The following GTPBP6 variants were observed in gnomAD, a reference collection of about 807,000 sequenced individuals.
GTPBP6 encodes GTP binding protein 6.
GTPBP6 carries 33 observed loss-of-function variants against 28.9 expected under a neutral mutation model. The observed-to-expected ratio is 1.14, with a 90% CI of 0.87 to 1.53. The LOEUF is 1.53. Ranked by LOEUF, GTPBP6 falls within the 40% of genes most tolerant of loss-of-function variation. GTPBP6 has a pLI of 0.00. For missense variants in GTPBP6, 507 were observed against 408.3 expected, an observed-to-expected ratio of 1.24 and a Z score of -2.08; for synonymous variants, 231 against 192.7, an observed-to-expected ratio of 1.20 and a Z score of -1.65.
At chrX:314,336 G>A in intron 4 of GTPBP6, 119 bp from the exon 5 acceptor site, 5 of 825,840 alleles carry the variant, frequency 6.1e-6, no homozygotes, top group Non-Finnish European at 8.4e-6. Flanking sequence ...AGGAGCCGCT[G>A]TTGCGGCCCC....
At chrX:318,701 C>T (rs1261627733) in exon 1 of GTPBP6, 6 of 377,484 alleles carry the variant, frequency 1.6e-5, no homozygotes, top group African/African-American at 1.1e-4. Context: ...CGGGGCAGGA[C>T]GGCGCGGCTG....
At position 316,913 on chromosome X, in the gene GTPBP6, C is replaced by G. The variant is rs1293379289; in HGVS notation, c.487+1G>C. ...GAAGGAGCAGGTCTGGACGGACCCA[C>G]CTGTCAGGTGCTCAAAGTTCCCTTT... On this transcript the variant is annotated splice_donor_variant, in intron 2 of 9. Transcript: ENST00000326153. LOFTEE classifies it high-confidence loss of function. The G allele has an allele frequency of 7.5e-6, 3 of 398,524 alleles. No individual in the cohort carries two copies. Among genetic ancestry groups the G allele is most frequent in the Non-Finnish European group, 8.8e-6 (2 of 226,096 alleles). The allele number at this position is 398,524 out of a possible 1,614,324, so 24.7% of individuals were successfully genotyped here. A position where few individuals can be genotyped will look rare whatever the true frequency, so the allele number is the denominator to read the frequency against.
At chrX:316,179 CACAGACACAT>C (rs1335138589) in intron 2 of GTPBP6, among the ~76,000 whole-genome samples, 11 of 92,698 alleles carry the variant, frequency 1.2e-4, no homozygotes, top group Admixed American at 2.1e-4. Context: ...CAGACACACA[CACAGACACAT>C]ACACAGAGAC....
At chrX:315,610 G>GACACAGAC (rs2070417784) in intron 2 of GTPBP6, among the ~76,000 whole-genome samples, 1 of 142,012 alleles carries the variant, frequency 7.0e-6, no homozygotes, top group Admixed American at 7.1e-5. Flanking sequence ...GACAGGGACA[G>GACACAGAC]ACACAGACAC....
At chrX:316,340 G>GACACAC (rs1168593634) in intron 2 of GTPBP6, among the ~76,000 whole-genome samples, 1,279 of 94,848 alleles carry the variant, frequency 0.013, 50 homozygotes, top group East Asian at 0.031. Flanking sequence ...TCCCATTGGG[G>GACACAC]ACACACACAC....
At chrX:307,654 G>C in intron 8 of GTPBP6, 78 bp downstream of exon 8, 1 of 1,430,514 alleles carries the variant, frequency 7.0e-7, no homozygotes, top group East Asian at 2.5e-5. Context: ...GTTCACACGA[G>C]GAGACGGGGC....
chrX:316,266 GACACACACAC>G (rs1222108776), intron 2 of GTPBP6, among the ~76,000 whole-genome samples: 5 of 24,282 alleles, frequency 2.1e-4, no homozygotes, highest in South Asian at 9.2e-4. Context: ...CACACACACA[GACACACACAC>G]AGTAAATACA....
intron 6 of GTPBP6, chrX:312,344 G>A: frequency 2.1e-6 from 1 of 471,422 alleles, no homozygotes; most frequent in South Asian, 1.6e-5. Context: ...TGCTGGTGTA[G>A]ACAGGAGGAT....
intron 7 of GTPBP6, among the ~76,000 whole-genome samples, chrX:309,388 C>T (rs1285017155): frequency 6.6e-6 from 1 of 152,112 alleles, no homozygotes; most frequent in Non-Finnish European, 1.5e-5. Context: ...AAGATCTCTG[C>T]GGATGCAGCT....
chrX:306,315 ATT>A (rs1420499390), intron 9 of GTPBP6, among the ~76,000 whole-genome samples: 10 of 149,790 alleles, frequency 6.7e-5, no homozygotes. Flanking sequence ...AGAAATGTAC[ATT>A]TTGACTGTCA....
chrX:305,968 C>T (rs1380799613), intron 9 of GTPBP6, among the ~76,000 whole-genome samples: 1 of 151,866 alleles, frequency 6.6e-6, no homozygotes, highest in Non-Finnish European at 1.5e-5. Flanking sequence ...CACCATGTTG[C>T]CCAGCCTGGC....
At chrX:318,713 C>G in exon 1 of GTPBP6, 1 of 365,008 alleles carries the variant, frequency 2.7e-6, no homozygotes, top group Non-Finnish European at 4.9e-6. Flanking sequence ...GCGCGGCTGC[C>G]CGCGGAGCCG....
At chrX:310,615 A>G (rs2070266289) in intron 7 of GTPBP6, among the ~76,000 whole-genome samples, 2 of 148,026 alleles carry the variant, frequency 1.4e-5, no homozygotes, top group Admixed American at 6.6e-5. Context: ...TCTAAGAGAC[A>G]GAAGAGGAGA....
At chrX:307,438 T>C in exon 9 of GTPBP6, 2 of 1,612,282 alleles carry the variant, frequency 1.2e-6, no homozygotes, top group Non-Finnish European at 1.7e-6. Flanking sequence ...CGCATCGAGC[T>C]CAGCTTTCAG....
At chrX:307,990 C>T in intron 7 of GTPBP6, 110 bp from the exon 8 acceptor site, 1 of 1,004,218 alleles carries the variant, frequency 1.0e-6, no homozygotes, top group Non-Finnish European at 1.4e-6. Context: ...ACAGGCTGGG[C>T]ATGGGAGGTA....
At chrX:310,649 CAGACA>C (rs2070267427) in intron 7 of GTPBP6, among the ~76,000 whole-genome samples, 1 of 149,914 alleles carries the variant, frequency 6.7e-6, no homozygotes, top group Non-Finnish European at 1.5e-5. Flanking sequence ...GAGAAGGCCA[CAGACA>C]GAGGCAGAGA....
chrX:317,171 G>A (rs2124479121), intron 1 of GTPBP6, 120 bp from the exon 2 acceptor site: 1 of 398,084 alleles, frequency 2.5e-6, no homozygotes, highest in African/African-American at 2.1e-5. Flanking sequence ...ACCTTGAGCC[G>A]CCGTTTGTCC....
intron 5 of GTPBP6, 100 bp from the exon 6 acceptor site, chrX:313,024 C>G (rs1404538461): frequency 9.7e-7 from 1 of 1,031,444 alleles, no homozygotes; most frequent in African/African-American, 1.6e-5. Flanking sequence ...GGCCTGCTCC[C>G]GCTCCAGCAT....
exon 8 of GTPBP6, chrX:307,750 T>G: frequency 6.6e-7 from 1 of 1,503,976 alleles, no homozygotes; most frequent in Middle Eastern, 2.4e-4. Context: ...GAGGTCCACC[T>G]TGTTGTGAAC....
Sources: allele counts gnomAD v4.1 joint callset (sites outside exome capture counted in the v4.1 genomes callset), GRCh38; gene constraint gnomAD v4.1.1; transcripts MANE v1.5; gene names NCBI Gene and HGNC (gene_info 2026-07-23, HGNC 2026-07-21).